Variants in ADAMTS3 observed in about 807,000 individuals in gnomAD.
The protein encoded by ADAMTS3 is A disintegrin and metalloproteinase with thrombospondin motifs 3.
A neutral mutation model predicts 129.0 loss-of-function variants in ADAMTS3; 73 were observed. That is an observed-to-expected ratio of 0.57 (90% CI 0.47 to 0.69). The LOEUF (loss-of-function observed/expected upper bound fraction) is 0.69. ADAMTS3 is among the 30% of genes least tolerant of loss of function. ADAMTS3 has a pLI of 0.00. For missense variants in ADAMTS3, 1,457 were observed against 1,514.5 expected, an observed-to-expected ratio of 0.96 and a Z score of 0.63; for synonymous variants, 477 against 510.8, an observed-to-expected ratio of 0.93 and a Z score of 0.89.
chr4:72,560,169 T>G (rs1449544556), intron 2 of ADAMTS3, among the ~76,000 whole-genome samples: 5 of 151,082 alleles, frequency 3.3e-5, no homozygotes, highest in Non-Finnish European at 7.4e-5. Context: ...TACACCTTAT[T>G]TAAAAATTAA....
At chr4:72,508,094 T>G (rs76595709) in intron 3 of ADAMTS3, among the ~76,000 whole-genome samples, 1 of 152,036 alleles carries the variant, frequency 6.6e-6, no homozygotes, top group Non-Finnish European at 1.5e-5. Flanking sequence ...CAAAACCACA[T>G]CTCTGAAGGG....
chr4:72,507,216 G>T (rs1720185925), intron 3 of ADAMTS3, among the ~76,000 whole-genome samples: 1 of 151,918 alleles, frequency 6.6e-6, no homozygotes, highest in African/African-American at 2.4e-5. Flanking sequence ...ACTGTCTGTG[G>T]CAGGTCCATT....
chr4:72,442,207 T>G (rs2109961291), intron 3 of ADAMTS3: 1 of 151,918 alleles, frequency 6.6e-6, no homozygotes, highest in East Asian at 2.0e-4. Flanking sequence ...ACAGGTGTGA[T>G]GACAGAGTTC....
chr4:72,511,135 A>C (rs970674236), intron 3 of ADAMTS3, among the ~76,000 whole-genome samples: 1 of 152,172 alleles, frequency 6.6e-6, no homozygotes, highest in South Asian at 2.1e-4. Flanking sequence ...ATCAAAATAG[A>C]TTAAAGACTT....
At chr4:72,483,954 C>T (rs1373776711) in intron 3 of ADAMTS3, among the ~76,000 whole-genome samples, 1 of 152,004 alleles carries the variant, frequency 6.6e-6, no homozygotes. Context: ...GGAGGCGGAA[C>T]TTGCGGTGAG....
At chr4:72,495,673 T>G (rs911583822) in intron 3 of ADAMTS3, among the ~76,000 whole-genome samples, 2 of 152,170 alleles carry the variant, frequency 1.3e-5, no homozygotes, top group Non-Finnish European at 2.9e-5. Flanking sequence ...GACCTACCTC[T>G]TTCAGTTATT....
At chr4:72,466,943 G>T (rs1184232783) in intron 3 of ADAMTS3, among the ~76,000 whole-genome samples, 1 of 152,046 alleles carries the variant, frequency 6.6e-6, no homozygotes, top group Non-Finnish European at 1.5e-5. Flanking sequence ...GTCCATTAGA[G>T]ATGATAATAC....
intron 3 of ADAMTS3, among the ~76,000 whole-genome samples, chr4:72,462,486 C>T (rs1444230888): frequency 1.3e-5 from 2 of 151,918 alleles, no homozygotes; most frequent in East Asian, 1.9e-4. Context: ...CACAAGTGTA[C>T]GGTCACACAC....
intron 6 of ADAMTS3, among the ~76,000 whole-genome samples, chr4:72,321,667 T>C (rs1021966564): frequency 2.0e-5 from 3 of 152,138 alleles, no homozygotes; most frequent in Non-Finnish European, 4.4e-5. Flanking sequence ...CGATCCAGAA[T>C]TAATCAACAT....
chr4:72,306,067 C>T lies in ADAMTS3; in HGVS notation c.2180G>A (p.Gly727Glu). 1.9e-6 allele frequency: 3 copies of T among 1,597,362 alleles called. No individual in the cohort carries two copies. The highest frequency in any genetic ancestry group is 2.6e-6 in the Non-Finnish European group (3 of 1,173,354). The change falls in exon 16 of 22, where the codon GGG becomes GAG. Residue 727 changes from glycine to glutamate, a missense_variant and splice_region_variant. Physicochemically the swap from Gly to Glu is moderately conservative, Grantham distance 98 (BLOSUM62 -2). Transcript: ENST00000286657. ...GGGTATATCAAACATCTTAAGGTAC[C>T]CTTTGCATGTGTAGTAAATATTGTA... ...GTFTRTPRKL[G>E]YLKMFDIPPG...
chr4:72,484,061 T>C (rs902060303), intron 3 of ADAMTS3, among the ~76,000 whole-genome samples: 1 of 152,102 alleles, frequency 6.6e-6, no homozygotes. Flanking sequence ...TTGTTTGTTC[T>C]ATTTATTTGC....
At chr4:72,497,623 T>C (rs910523236) in intron 3 of ADAMTS3, among the ~76,000 whole-genome samples, 3 of 151,680 alleles carry the variant, frequency 2.0e-5, no homozygotes, top group Non-Finnish European at 4.4e-5. Flanking sequence ...ATTTTTATAC[T>C]CTAAATATAT....
At chr4:72,347,327 C>T (rs1284370665) in intron 4 of ADAMTS3, among the ~76,000 whole-genome samples, 1 of 150,966 alleles carries the variant, frequency 6.6e-6, no homozygotes, top group African/African-American at 2.4e-5. Flanking sequence ...TGTAAGTTCC[C>T]GACAGGCAGG....
At chr4:72,335,207 A>T (rs1043903621) in intron 5 of ADAMTS3, among the ~76,000 whole-genome samples, 12 of 152,208 alleles carry the variant, frequency 7.9e-5, no homozygotes, top group African/African-American at 2.9e-4. Context: ...GTGAAGGCTT[A>T]TACTACTAAT....
intron 4 of ADAMTS3, among the ~76,000 whole-genome samples, chr4:72,370,536 G>A (rs763173345): frequency 8.6e-5 from 13 of 152,026 alleles, no homozygotes; most frequent in Non-Finnish European, 1.6e-4. Context: ...CGCATTTCCC[G>A]TACAGAACAG....
intron 3 of ADAMTS3, among the ~76,000 whole-genome samples, chr4:72,534,658 A>G (rs1721142103): frequency 6.6e-6 from 1 of 152,238 alleles, no homozygotes; most frequent in South Asian, 2.1e-4. Flanking sequence ...ACCATTTTAA[A>G]TAACGTTCCA....
Position 72,528,544 on chromosome 4 carries a change from T to C in ADAMTS3, c.504+19934A>G, listed in dbSNP as rs552664877. ...ACTAAAAAAAAAAAAAAAAAACAGA[T>C]GCTGCTTCTCCTTCACTAGCTTGTA... On this transcript the variant is annotated intron_variant, in intron 3 of 21. Transcript: ENST00000286657. 2.1e-4 allele frequency among the ~76,000 whole-genome samples: 31 copies of C among 145,584 alleles called. No individual in the cohort carries two copies. The East Asian group carries it at 5.7e-3, about 27-fold the overall frequency.
chr4:72,303,398 G>A (rs1719002533), intron 17 of ADAMTS3, among the ~76,000 whole-genome samples: 1 of 151,854 alleles, frequency 6.6e-6, no homozygotes, highest in Non-Finnish European at 1.5e-5. Context: ...AGGGAAAACA[G>A]GGAATAAAAA....
intron 4 of ADAMTS3, among the ~76,000 whole-genome samples, chr4:72,347,504 A>G (rs1031928064): frequency 2.0e-5 from 3 of 151,704 alleles, no homozygotes; most frequent in African/African-American, 7.3e-5. Context: ...CAATTTGTTT[A>G]TTTTATTCTC....
Sources: gnomAD v4.1 joint callset for allele counts (sites outside exome capture counted in the v4.1 genomes callset) on GRCh38, gnomAD v4.1.1 for gene constraint, MANE v1.5 for transcripts, NCBI Gene and HGNC (gene_info 2026-07-23, HGNC 2026-07-21) for gene names.